SETBP1: variants seen among roughly 807,000 people sequenced by gnomAD.
SETBP1 encodes the protein SET binding protein 1.
Under a neutral mutation model 101.0 loss-of-function variants are expected in SETBP1, and 9 were observed. That is an observed-to-expected ratio of 0.09 (90% confidence interval 0.05 to 0.16). SETBP1 has a LOEUF of 0.16. SETBP1 is among the 10% of genes least tolerant of loss of function. The pLI is 1.00. For missense variants in SETBP1, 1,858 were observed against 2,033.8 expected (o/e 0.91, Z 1.66); for synonymous variants, 818 against 788.5 (o/e 1.04, Z -0.63).
chr18:45,063,473 G>GGGCC lies in SETBP1; in HGVS notation c.4566_4567insGGCC (p.Pro1523GlyfsTer70). On this transcript the variant is annotated frameshift_variant, in exon 6 of 6. Coordinates refer to ENST00000649279, the MANE Select transcript of SETBP1 (RefSeq NM_015559.3). LOFTEE classifies it high-confidence loss of function. ...ACATGGCCCGGGAGGCGCCGCCCCT[G>GGGCC]CCCCCGCCACCGCCGCCGCCCCTGC... 6.9e-7 allele frequency: 1 copy of GGGCC among 1,442,190 alleles called. No individual in the cohort carries two copies. The highest frequency in any genetic ancestry group is 9.1e-7 in the Non-Finnish European group (1 of 1,102,312). The allele number at this position is 1,442,190 out of a possible 1,614,324, so 89.3% of individuals were successfully genotyped here.
chr18:44,999,219 G>C (rs1381832491), intron 4 of SETBP1, among the ~76,000 whole-genome samples: 1 of 152,052 alleles, frequency 6.6e-6, no homozygotes, highest in African/African-American at 2.4e-5. Flanking sequence ...CCCTAGTCAG[G>C]TTATTAGTTA....
chr18:44,915,223 A>C (rs2070399463), intron 3 of SETBP1, among the ~76,000 whole-genome samples: 1 of 152,184 alleles, frequency 6.6e-6, no homozygotes, highest in African/African-American at 2.4e-5. Flanking sequence ...GCTCCAGGAC[A>C]CCAGCTTTCC....
chr18:44,893,516 A>G (rs1404368320), intron 3 of SETBP1, among the ~76,000 whole-genome samples: 1 of 152,154 alleles, frequency 6.6e-6, no homozygotes, highest in Non-Finnish European at 1.5e-5. Flanking sequence ...GTTAGTAGTC[A>G]ACAGGAATTG....
intron 4 of SETBP1, among the ~76,000 whole-genome samples, chr18:44,991,117 C>A (rs2072364695): frequency 6.6e-6 from 1 of 151,086 alleles, no homozygotes; most frequent in African/African-American, 2.4e-5. Flanking sequence ...TAGCACGTGC[C>A]TTGTAGTCCC....
At chr18:44,953,906 G>A (rs942448644) in intron 4 of SETBP1, among the ~76,000 whole-genome samples, 2 of 152,072 alleles carry the variant, frequency 1.3e-5, no homozygotes, top group Non-Finnish European at 2.9e-5. Flanking sequence ...TTTTCCATGG[G>A]CATTTGATAA....
intron 4 of SETBP1, among the ~76,000 whole-genome samples, chr18:45,020,663 C>T (rs2145417448): frequency 6.6e-6 from 1 of 152,288 alleles, no homozygotes; most frequent in East Asian, 1.9e-4. Context: ...TGCTCAAACT[C>T]ATAGAGCTAA....
At chr18:44,701,859 T>C (rs1460075528) in intron 2 of SETBP1, 27 bp downstream of exon 2, 44 of 1,607,286 alleles carry the variant, frequency 2.7e-5, no homozygotes, top group Non-Finnish European at 3.6e-5. Context: ...TATGGTTGTT[T>C]TTGTTTGTTT....
At chr18:44,750,366 C>T (rs887486610) in intron 2 of SETBP1, among the ~76,000 whole-genome samples, 3 of 152,222 alleles carry the variant, frequency 2.0e-5, no homozygotes, top group Middle Eastern at 3.4e-3. Flanking sequence ...TCTTCATTTT[C>T]TTATAAAAAC....
chr18:44,990,927 GAAAAA>G (rs996043221), intron 4 of SETBP1, among the ~76,000 whole-genome samples: 6 of 63,190 alleles, frequency 9.5e-5, no homozygotes, highest in African/African-American at 2.8e-4. Flanking sequence ...CAGAGAGAGA[GAAAAA>G]AAAAAAAAAA....
intron 2 of SETBP1, among the ~76,000 whole-genome samples, chr18:44,787,604 C>G (rs753097400): frequency 6.1e-4 from 93 of 151,552 alleles, no homozygotes; most frequent in Non-Finnish European, 1.1e-3. Flanking sequence ...CCTGTAATCC[C>G]AGCACTTTGG....
At chr18:44,965,284 AACACAC>A (rs60728043) in intron 4 of SETBP1, among the ~76,000 whole-genome samples, 8 of 147,024 alleles carry the variant, frequency 5.4e-5, no homozygotes, top group Admixed American at 1.4e-4. Context: ...CATGCACACA[AACACAC>A]ACACACACAC....
chr18:44,876,235 T>C (rs188046120), intron 3 of SETBP1, among the ~76,000 whole-genome samples: 38 of 152,336 alleles, frequency 2.5e-4, no homozygotes, highest in Admixed American at 4.6e-4. Context: ...TACAGGTTGC[T>C]TGTTTTGATT....
At chr18:45,017,063 G>A (rs570687176) in intron 4 of SETBP1, among the ~76,000 whole-genome samples, 17 of 152,040 alleles carry the variant, frequency 1.1e-4, no homozygotes, top group Non-Finnish European at 1.9e-4. Flanking sequence ...TCACTAGACC[G>A]GGCCCAGCCT....
intron 5 of SETBP1, among the ~76,000 whole-genome samples, chr18:45,046,420 C>T (rs966896557): frequency 6.6e-6 from 1 of 152,196 alleles, no homozygotes; most frequent in Non-Finnish European, 1.5e-5. Context: ...CTTGGCAGCC[C>T]TCCAGCCTCC....
chr18:44,908,993 C>G (rs914339653), intron 3 of SETBP1, among the ~76,000 whole-genome samples: 3 of 152,182 alleles, frequency 2.0e-5, no homozygotes, highest in Admixed American at 1.3e-4. Flanking sequence ...CATCACACCT[C>G]TGGACTCACT....
chr18:44,846,425 T>C (rs931848646), intron 2 of SETBP1, among the ~76,000 whole-genome samples: 5 of 152,198 alleles, frequency 3.3e-5, no homozygotes, highest in Non-Finnish European at 7.3e-5. Flanking sequence ...ATTCCCTCTC[T>C]CCTCAACCCT....
intron 4 of SETBP1, among the ~76,000 whole-genome samples, chr18:44,959,153 T>A (rs2071557175): frequency 6.6e-6 from 1 of 152,148 alleles, no homozygotes; most frequent in Non-Finnish European, 1.5e-5. Flanking sequence ...TCTGTGGGAT[T>A]GGGAAATTAT....
chr18:44,842,352 T>G lies in SETBP1; in HGVS notation c.487-26878T>G, dbSNP rs75872580. On this transcript the variant is annotated intron_variant, in intron 2 of 5. Coordinates refer to ENST00000649279, the MANE Select transcript of SETBP1 (RefSeq NM_015559.3). ...AGGTCACCGGACATTATGAACCATT[T>G]ACTTCCTCTTTTAAAAGCATTGTTA... 7.3e-3 allele frequency among the ~76,000 whole-genome samples: 1,115 copies of G among 152,314 alleles called. 6 individuals are homozygous for G. The highest frequency in any genetic ancestry group is 0.011 in the Non-Finnish European group (759 of 68,024).
chr18:44,738,311 C>A (rs773876980), intron 2 of SETBP1, among the ~76,000 whole-genome samples: 1 of 152,194 alleles, frequency 6.6e-6, no homozygotes, highest in African/African-American at 2.4e-5. Flanking sequence ...CTTTGCAATT[C>A]TCTTCTGGTG....
Sources: gnomAD v4.1 joint callset for allele counts (sites outside exome capture counted in the v4.1 genomes callset) on GRCh38, gnomAD v4.1.1 for gene constraint, MANE v1.5 for transcripts, NCBI Gene and HGNC (gene_info 2026-07-23, HGNC 2026-07-21) for gene names.